NXPE2: variants seen among roughly 807,000 people sequenced by gnomAD.
NXPE2 encodes the protein neurexophilin and PC-esterase domain family member 2, also known as NXPE family member 2.
In NXPE2, 34 loss-of-function variants were observed where a neutral mutation model predicts 34.4. The observed-to-expected ratio is 0.99, with a 90% confidence interval of 0.75 to 1.31. The LOEUF (loss-of-function observed/expected upper bound fraction) is 1.31, where lower values mean the gene tolerates loss of function less well. Among genes scored for constraint, NXPE2 ranks in the 40% most tolerant of loss-of-function variants. NXPE2 has a pLI of 0.00. For missense variants in NXPE2, 649 were observed against 672.5 expected, an observed-to-expected ratio of 0.97 and a Z score of 0.39; for synonymous variants, 235 against 231.3, an observed-to-expected ratio of 1.02 and a Z score of -0.15.
At chr11:114,680,772 G>C (rs1950937424) in intron 2 of NXPE2, among the ~76,000 whole-genome samples, 1 of 152,044 alleles carries the variant, frequency 6.6e-6, no homozygotes, top group South Asian at 2.1e-4. Flanking sequence ...TTATTCTTAA[G>C]CATGCTAACA....
At chr11:114,564,258 T>G in the NXPE2 span, among the ~76,000 whole-genome samples, 1 of 152,106 alleles carries the variant, frequency 6.6e-6, no homozygotes, top group Non-Finnish European at 1.5e-5. Flanking sequence ...AGCTAAGCTA[T>G]GAGGACATAA....
the NXPE2 span, among the ~76,000 whole-genome samples, chr11:114,756,543 A>G: frequency 6.6e-6 from 1 of 152,064 alleles, no homozygotes; most frequent in South Asian, 2.1e-4. Flanking sequence ...TAATTCCCTC[A>G]ATGGCCAATA....
the NXPE2 span, among the ~76,000 whole-genome samples, chr11:114,493,979 C>T: frequency 6.6e-6 from 1 of 152,006 alleles, no homozygotes; most frequent in Non-Finnish European, 1.5e-5. Context: ...ATATACTATT[C>T]TATGGTAAAA....
At chr11:114,494,763 G>A in the NXPE2 span, among the ~76,000 whole-genome samples, 1 of 152,182 alleles carries the variant, frequency 6.6e-6, no homozygotes, top group African/African-American at 2.4e-5. Context: ...GCATGTGGAT[G>A]TTCTTCAGTG....
At chr11:114,757,769 G>T in the NXPE2 span, among the ~76,000 whole-genome samples, 1 of 151,968 alleles carries the variant, frequency 6.6e-6, no homozygotes, top group African/African-American at 2.4e-5. Context: ...AAATAGTTGG[G>T]GTTCTTAGAC....
At chr11:114,615,833 T>A in the NXPE2 span, among the ~76,000 whole-genome samples, 4 of 150,864 alleles carry the variant, frequency 2.7e-5, no homozygotes, top group African/African-American at 9.8e-5. Flanking sequence ...ACTGTTACCC[T>A]GTGGATAATA....
chr11:114,618,597 C>A, the NXPE2 span, among the ~76,000 whole-genome samples: 1 of 151,970 alleles, frequency 6.6e-6, no homozygotes, highest in African/African-American at 2.4e-5. Context: ...ACAACTGTTA[C>A]CCTGTGGATA....
At chr11:114,696,454 C>T (rs1462320358) in intron 2 of NXPE2, among the ~76,000 whole-genome samples, 2 of 150,916 alleles carry the variant, frequency 1.3e-5, no homozygotes, top group African/African-American at 4.9e-5. Flanking sequence ...ATAGATATAC[C>T]ATGCAAATCC....
chr11:114,629,872 C>G, the NXPE2 span, among the ~76,000 whole-genome samples: 2 of 150,060 alleles, frequency 1.3e-5, no homozygotes, highest in South Asian at 4.3e-4. Context: ...TCTTATACAC[C>G]AACAACAGAC....
the NXPE2 span, chr11:114,583,326 G>T: frequency 1.6e-6 from 1 of 624,398 alleles, no homozygotes; most frequent in South Asian, 1.6e-5. Context: ...TACTATTATG[G>T]ACAAGCCCAC....
the NXPE2 span, among the ~76,000 whole-genome samples, chr11:114,640,937 A>G: frequency 6.6e-6 from 1 of 151,952 alleles, no homozygotes; most frequent in East Asian, 1.9e-4. Context: ...TTTGCTGTGC[A>G]AAAGGAAAAA....
At chr11:114,792,933 C>T in the NXPE2 span, among the ~76,000 whole-genome samples, 5 of 152,168 alleles carry the variant, frequency 3.3e-5, no homozygotes, top group Admixed American at 3.3e-4. Context: ...ACTATTGGTT[C>T]TAAAGCTTCT....
the NXPE2 span, among the ~76,000 whole-genome samples, chr11:114,592,614 T>A: frequency 2.0e-5 from 3 of 152,018 alleles, no homozygotes; most frequent in African/African-American, 7.2e-5. Context: ...CTAAAAGCAA[T>A]CTACAGATTC....
At chr11:114,694,668 T>C (rs1423276914) in intron 2 of NXPE2, among the ~76,000 whole-genome samples, 1 of 152,164 alleles carries the variant, frequency 6.6e-6, no homozygotes, top group Admixed American at 6.5e-5. Context: ...GAAGTTTCTG[T>C]TGACATACTT....
chr11:114,653,673 G>A, the NXPE2 span, among the ~76,000 whole-genome samples: 93 of 151,492 alleles, frequency 6.1e-4, no homozygotes, highest in Middle Eastern at 0.031. Flanking sequence ...GACTACAGGC[G>A]CCCACCACTA....
chr11:114,685,688 T>A (rs909347259), intron 2 of NXPE2, among the ~76,000 whole-genome samples: 1 of 152,110 alleles, frequency 6.6e-6, no homozygotes, highest in Non-Finnish European at 1.5e-5. Flanking sequence ...ATGAGACAAC[T>A]GGGCCTCACA....
At chr11:114,497,975 A>G in the NXPE2 span, among the ~76,000 whole-genome samples, 1 of 152,120 alleles carries the variant, frequency 6.6e-6, no homozygotes, top group East Asian at 1.9e-4. Flanking sequence ...TTCATTATAT[A>G]AGATGTTTTG....
chr11:114,717,934 T>G, the NXPE2 span, among the ~76,000 whole-genome samples: 1 of 152,162 alleles, frequency 6.6e-6, no homozygotes, highest in Non-Finnish European at 1.5e-5. Context: ...CTTGGAAGAA[T>G]AAATTAGATA....
At chr11:114,654,564 C>T in the NXPE2 span, among the ~76,000 whole-genome samples, 3 of 152,216 alleles carry the variant, frequency 2.0e-5, no homozygotes, top group Non-Finnish European at 2.9e-5. Flanking sequence ...TGAGTGAGAA[C>T]ATTCGGTGTT....
Sources: allele counts gnomAD v4.1 joint callset (sites outside exome capture counted in the v4.1 genomes callset), GRCh38; gene constraint gnomAD v4.1.1; transcripts MANE v1.5; gene names NCBI Gene and HGNC (gene_info 2026-07-23, HGNC 2026-07-21).